NQO2: variants seen among roughly 807,000 people sequenced by gnomAD.
NQO2 encodes the protein ribosyldihydronicotinamide dehydrogenase [quinone].
A neutral mutation model predicts 22.0 loss-of-function variants in NQO2; 18 were observed. The observed-to-expected ratio is 0.82, with a 90% CI of 0.56 to 1.21. The LOEUF (loss-of-function observed/expected upper bound fraction) is 1.21, where lower values mean the gene tolerates loss of function less well. NQO2 is among the 50% of genes most tolerant of loss of function. The pLI, the probability that NQO2 is intolerant of heterozygous loss-of-function variation, is 0.00. For synonymous variants in NQO2, 106 were observed against 110.8 expected (o/e 0.96, Z 0.28); for missense variants, 267 against 286.9 (o/e 0.93, Z 0.50).
intron 4 of NQO2, among the ~76,000 whole-genome samples, chr6:3,014,780 G>A (rs1174460277): frequency 1.3e-5 from 2 of 152,126 alleles, no homozygotes; most frequent in African/African-American, 4.8e-5. Context: ...GTGTGTCTTC[G>A]AATCCTCACC....
chr6:3,011,310 T>C (rs1757126921), intron 3 of NQO2, among the ~76,000 whole-genome samples: 1 of 152,156 alleles, frequency 6.6e-6, no homozygotes, highest in African/African-American at 2.4e-5. Flanking sequence ...TAGAAATACA[T>C]TTGCTGAAAA....
intron 4 of NQO2, among the ~76,000 whole-genome samples, chr6:3,014,278 C>T (rs1757250378): frequency 6.6e-6 from 1 of 152,194 alleles, no homozygotes; most frequent in Non-Finnish European, 1.5e-5. Flanking sequence ...ACTCAGTGAC[C>T]TTGAGCTGCT....
chr6:3,005,525 CCATT>C, intron 1 of NQO2: 1 of 360,072 alleles, frequency 2.8e-6, no homozygotes, highest in East Asian at 1.6e-4. Context: ...GGCTTACTGA[CCATT>C]CATACATCTT....
rs1263640114 is a variant in NQO2 at position 3,004,119 on chromosome 6, A to G, written c.-85-2349A>G. 6 of 162,806 alleles carry G rather than the reference A, an allele frequency of 3.7e-5. No homozygotes were observed. The Admixed American group carries it at 3.9e-4, about 11-fold the overall frequency. 10.1% of individuals were successfully genotyped at this position (162,806 alleles called of 1,614,324 possible). A position where few individuals can be genotyped will look rare whatever the true frequency, so the allele number is the denominator to read the frequency against. On this transcript the variant is annotated intron_variant, in intron 1 of 6. Transcript: ENST00000380455. ...GCTAGCTCCCACACCTCCCAGCCCC[A>G]GCTGAGTTCGCTTCTTGAGGGTATT...
intron 1 of NQO2, chr6:3,002,213 T>G (rs1057235880): frequency 9.1e-6 from 9 of 985,292 alleles, no homozygotes; most frequent in Non-Finnish European, 9.6e-6. Context: ...AACAACATGA[T>G]TTCGGGCAAT....
intron 4 of NQO2, 103 bp from the exon 5 acceptor site, chr6:3,015,427 A>T (rs1757289255): frequency 1.3e-6 from 2 of 1,492,712 alleles, no homozygotes; most frequent in East Asian, 4.9e-5. Context: ...GCTGCCAGGG[A>T]AGAGGAGGGC....
At chr6:3,015,488 C>A (rs781544500) in intron 4 of NQO2, 42 bp from the exon 5 acceptor site, 6 of 1,602,610 alleles carry the variant, frequency 3.7e-6, no homozygotes, top group Non-Finnish European at 5.1e-6. Flanking sequence ...AAACCTGAGG[C>A]GAGCCGCAGC....
intron 1 of NQO2, among the ~76,000 whole-genome samples, chr6:3,005,263 G>A (rs1233045881): frequency 1.3e-5 from 2 of 152,148 alleles, no homozygotes; most frequent in African/African-American, 2.4e-5. Flanking sequence ...TCAGAGTAAC[G>A]AATGGAATTG....
At chr6:3,016,561 A>G (rs56334148) in intron 5 of NQO2, among the ~76,000 whole-genome samples, 8,495 of 152,228 alleles carry the variant, frequency 0.056, 376 homozygotes, top group African/African-American at 0.12. Flanking sequence ...CTTACTGAGC[A>G]GCCCTGTGTG....
intron 2 of NQO2, among the ~76,000 whole-genome samples, chr6:3,007,560 A>T (rs1055635332): frequency 6.6e-6 from 1 of 152,242 alleles, no homozygotes; most frequent in Non-Finnish European, 1.5e-5. Flanking sequence ...ATCTTCTTAA[A>T]GGTGACCAGG....
intron 2 of NQO2, among the ~76,000 whole-genome samples, chr6:3,009,710 A>T (rs2518581): frequency 6.6e-6 from 1 of 152,066 alleles, no homozygotes; most frequent in Non-Finnish European, 1.5e-5. Flanking sequence ...CAGTTGCTCC[A>T]TTCGGGGTCC....
chr6:3,016,963 G>A lies in NQO2; in HGVS notation c.497G>A (p.Arg166Gln), dbSNP rs754814521. ...YTKTGVNGDS[R>Q]YFLWPLQHGT... ...AAGACAGGAGTCAATGGAGATTCTC[G>A]ATACTTCCTGTGGCCACTCCAGGTA... The change falls in exon 6 of 7, where the codon CGA becomes CAA. Residue 166 changes from arginine (R) to glutamine (Q), a missense_variant. Coordinates refer to ENST00000380455, the MANE Select transcript of NQO2 (RefSeq NM_000904.6). 1.8e-5 allele frequency: 29 copies of A among 1,613,798 alleles called. No individual in the cohort carries two copies. The highest frequency in any genetic ancestry group is 1.3e-5 in the African/African-American group (1 of 74,892).
chr6:3,004,602 G>A (rs1756874019), intron 1 of NQO2: 1 of 985,532 alleles, frequency 1.0e-6, no homozygotes, highest in Non-Finnish European at 1.2e-6. Flanking sequence ...GAGATAAGGA[G>A]TGGGCCCTGG....
chr6:3,012,800 G>A (rs1332956689), intron 4 of NQO2, 126 bp downstream of exon 4: 4 of 929,360 alleles, frequency 4.3e-6, no homozygotes, highest in Non-Finnish European at 6.4e-6. Context: ...CACACTTACT[G>A]AGCAAATATT....
intron 6 of NQO2, among the ~76,000 whole-genome samples, chr6:3,018,401 A>G (rs1329023666): frequency 1.3e-5 from 2 of 152,202 alleles, no homozygotes; most frequent in Non-Finnish European, 2.9e-5. Flanking sequence ...GCTACTTGGG[A>G]GGCTGAGGCA....
Position 3,012,545 on chromosome 6 carries a change from T to C in NQO2, c.174T>C (p.Gly58=), listed in dbSNP as rs1581329485. The change falls in exon 4 of 7, where the codon GGT becomes GGC. Residue 58 remains glycine, a splice_region_variant and synonymous_variant. Coordinates refer to ENST00000380455, the MANE Select transcript of NQO2 (RefSeq NM_000904.6). ...EPRATDKDIT[G]TLSNPEVFNY... ...AATGTTTGGCCTCTTCCCCGACAGGTACTCTTTCTAATCCTGAGGTTTTCA... is the reference window on the plus strand; with the variant it reads ...AATGTTTGGCCTCTTCCCCGACAGGCACTCTTTCTAATCCTGAGGTTTTCA... 1 of 1,614,026 alleles carries C rather than the reference T, an allele frequency of 6.2e-7. No individual in the cohort carries two copies. The highest frequency in any genetic ancestry group is 2.2e-5 in the East Asian group (1 of 44,880).
chr6:3,006,992 A>T lies in NQO2; in HGVS notation c.7+433A>T, dbSNP rs1050796086. The T allele has an allele frequency of 6.7e-5, 27 of 400,328 alleles. No homozygotes were observed. Among genetic ancestry groups the T allele is most frequent in the African/African-American group, 4.7e-4 (23 of 48,654 alleles). The allele number at this position is 400,328 out of a possible 1,614,324, so 24.8% of individuals were successfully genotyped here. On this transcript the variant is annotated intron_variant, in intron 2 of 6. Coordinates refer to ENST00000380455, the MANE Select transcript of NQO2 (RefSeq NM_000904.6). This position sits in a 1 kb window ranked among gnomAD's most constrained non-coding sequence, Gnocchi z 4.0. ...TTGCAACTGCTTATCATGCACATAT[A>T]CATGAACATGCAATCTCTCAACTTT...
At chr6:3,005,087 G>T (rs375059074) in intron 1 of NQO2, among the ~76,000 whole-genome samples, 2 of 152,250 alleles carry the variant, frequency 1.3e-5, no homozygotes, top group African/African-American at 4.8e-5. Flanking sequence ...GAGCCACGGT[G>T]CCTGACCTCA....
In NQO2 at chr6:3,006,959, C is replaced by G; in HGVS notation, c.7+400C>G. 2.5e-6 allele frequency: 1 copy of G among 405,590 alleles called. No individual in the cohort carries two copies. Among genetic ancestry groups the G allele is most frequent in the Non-Finnish European group, 4.3e-6 (1 of 230,088 alleles). 25.1% of individuals were successfully genotyped at this position (405,590 alleles called of 1,614,324 possible). ...GGGTAAAAATTCAGTACGATTCTAT[C>G]TTTGCTTTTGCAACTGCTTATCATG... On this transcript the variant is annotated intron_variant, in intron 2 of 6. Transcript: ENST00000380455. The surrounding 1 kb of genome is among the most constrained non-coding windows in gnomAD (Gnocchi z 4.0).
Sources: allele counts gnomAD v4.1 joint callset (sites outside exome capture counted in the v4.1 genomes callset), GRCh38; gene constraint gnomAD v4.1.1; non-coding constraint Gnocchi (gnomAD v3.1); transcripts MANE v1.5; gene names NCBI Gene and HGNC (gene_info 2026-07-23, HGNC 2026-07-21).